Variants in UGT1A10 observed in about 807,000 individuals in gnomAD.
UGT1A10 encodes the protein UDP-glucuronosyltransferase 1A10.
A neutral mutation model predicts 45.8 loss-of-function variants in UGT1A10; 49 were observed. The observed-to-expected ratio is 1.07, with a 90% CI of 0.85 to 1.36. The LOEUF (loss-of-function observed/expected upper bound fraction) is 1.36. Among genes scored for constraint, UGT1A10 ranks in the 40% most tolerant of loss-of-function variants. The pLI is 0.00. For missense variants in UGT1A10, 745 were observed against 668.6 expected, an observed-to-expected ratio of 1.11 and a Z score of -1.26; for synonymous variants, 284 against 249.7, an observed-to-expected ratio of 1.14 and a Z score of -1.29.
At chr2:233,752,994 T>C (rs1324115545) in intron 1 of UGT1A10, among the ~76,000 whole-genome samples, 2 of 152,114 alleles carry the variant, frequency 1.3e-5, no homozygotes, top group Admixed American at 1.3e-4. Flanking sequence ...ACCCACTCAT[T>C]CTATCCTACC....
At chr2:233,671,910 G>C in intron 1 of UGT1A10, 1 of 1,582,912 alleles carries the variant, frequency 6.3e-7, no homozygotes, top group Non-Finnish European at 8.6e-7. Flanking sequence ...ATTCCCAGCT[G>C]CTTGCTCTCA....
intron 1 of UGT1A10, chr2:233,747,078 AG>A: frequency 1.8e-6 from 2 of 1,085,946 alleles, no homozygotes; most frequent in Non-Finnish European, 2.6e-6. Context: ...ATAATTAACT[AG>A]GAGGAGAGCA....
At chr2:233,757,535 A>AATATATATATATATATATATATATATAT (rs67292694) in intron 1 of UGT1A10, among the ~76,000 whole-genome samples, 42 of 88,242 alleles carry the variant, frequency 4.8e-4, no homozygotes, top group East Asian at 2.0e-3. Context: ...GCCTGTAAGG[A>AATATATATATATATATATATATATATAT]ATATATATAT....
At chr2:233,719,602 T>C (rs764921647) in intron 1 of UGT1A10, 45 of 1,614,062 alleles carry the variant, frequency 2.8e-5, no homozygotes, top group Admixed American at 5.0e-5. Flanking sequence ...CGAGGGGACT[T>C]TGTGATGGAC....
At chr2:233,676,385 T>C (rs2074358961) in intron 1 of UGT1A10, among the ~76,000 whole-genome samples, 1 of 152,228 alleles carries the variant, frequency 6.6e-6, no homozygotes, top group African/African-American at 2.4e-5. Flanking sequence ...ACAAATAGTT[T>C]AGAGAATTTT....
At position 233,769,746 on chromosome 2, in the gene UGT1A10, T is replaced by A; in HGVS notation, c.1295+1307T>A. On this transcript the variant is annotated intron_variant, in intron 4 of 4. Transcript: ENST00000344644. This position sits in a 1 kb window ranked among gnomAD's most constrained non-coding sequence, Gnocchi z 4.4. ...GGCACACGCCTGTAGTCCCAGCCAC[T>A]CTGGAGGCTAAGGCGGGAGGATTGC... 3 of 1,441,832 alleles carry A rather than the reference T, an allele frequency of 2.1e-6. No individual in the cohort carries two copies. Among genetic ancestry groups the A allele is most frequent in the Non-Finnish European group, 2.7e-6 (3 of 1,095,648 alleles). The allele number at this position is 1,441,832 out of a possible 1,614,324, so 89.3% of individuals were successfully genotyped here. A position where few individuals can be genotyped will look rare whatever the true frequency, so the allele number is the denominator to read the frequency against.
chr2:233,703,659 G>T (rs568128054), intron 1 of UGT1A10, among the ~76,000 whole-genome samples: 1 of 151,826 alleles, frequency 6.6e-6, no homozygotes, highest in African/African-American at 2.4e-5. Context: ...ATTTCTTTTG[G>T]TTGCTGTTTC....
Position 233,700,950 on chromosome 2 carries a change from A to G in UGT1A10, c.855+63573A>G, listed in dbSNP as rs146993694. The stretch of plus-strand genomic sequence containing the variant: ...GTGTGTGATTGTTCAATTCCCACCT[A>G]TGAGTGAGAACATGCGGTGTTTGAT... On this transcript the variant is annotated intron_variant, in intron 1 of 4. Coordinates refer to ENST00000344644, the MANE Select transcript of UGT1A10 (RefSeq NM_019075.4). Among the ~76,000 whole-genome samples, 245 of 151,526 alleles carry G rather than the reference A, an allele frequency of 1.6e-3. 4 individuals are homozygous for G. The East Asian group carries it at 0.036, about 22-fold the overall frequency.
At chr2:233,693,999 C>T (rs998563959) in intron 1 of UGT1A10, 32 of 1,494,952 alleles carry the variant, frequency 2.1e-5, no homozygotes, top group Non-Finnish European at 2.5e-5. Flanking sequence ...ATACCCGGCT[C>T]GGAGCAGCGG....
chr2:233,738,316 T>C (rs1483940334), intron 1 of UGT1A10, among the ~76,000 whole-genome samples: 4 of 152,176 alleles, frequency 2.6e-5, no homozygotes, highest in African/African-American at 7.2e-5. Context: ...TAGCAGTGTG[T>C]GAATGGACTA....
chr2:233,712,538 G>A (rs752556206), intron 1 of UGT1A10, among the ~76,000 whole-genome samples: 4 of 152,164 alleles, frequency 2.6e-5, no homozygotes, highest in Non-Finnish European at 5.9e-5. Flanking sequence ...ACCCATATGT[G>A]GGAAGAAAGA....
chr2:233,740,284 G>T (rs932768125), intron 1 of UGT1A10, among the ~76,000 whole-genome samples: 1 of 151,852 alleles, frequency 6.6e-6, no homozygotes, highest in Non-Finnish European at 1.5e-5. Flanking sequence ...ATACTGAAAG[G>T]GTTTAAAGGA....
chr2:233,672,776 A>G, intron 1 of UGT1A10: 1 of 1,613,588 alleles, frequency 6.2e-7, no homozygotes, highest in Non-Finnish European at 8.5e-7. Flanking sequence ...CATCAGGGAA[A>G]GCCGTTGCCT....
intron 1 of UGT1A10, among the ~76,000 whole-genome samples, chr2:233,763,357 C>G (rs1698288561): frequency 6.6e-6 from 1 of 152,176 alleles, no homozygotes; most frequent in Non-Finnish European, 1.5e-5. Flanking sequence ...ATCTTTAGTA[C>G]TCCTTTGTCT....
At position 233,772,278 on chromosome 2, in the gene UGT1A10, A is replaced by G. The variant is rs1289153891; in HGVS notation, c.1312A>G (p.Met438Val). 6.2e-7 allele frequency: 1 copy of G among 1,614,252 alleles called. No homozygotes were observed. Among genetic ancestry groups the G allele is most frequent in the Admixed American group, 1.7e-5 (1 of 60,036 alleles). Residue 438 changes from methionine to valine, a missense_variant, in exon 5 of 5, where the codon ATG becomes GTG. By Grantham distance (21) the Met-to-Val change is conservative. Coordinates refer to ENST00000344644, the MANE Select transcript of UGT1A10 (RefSeq NM_019075.4). Reference sequence around the variant, plus strand: ...TGTGTTTAGTTACAAGGAGAACATCATGCGCCTCTCCAGCCTTCACAAGGA... The same window carrying G: ...TGTGTTTAGTTACAAGGAGAACATCGTGCGCCTCTCCAGCCTTCACAAGGA... ...INDKSYKENI[M>V]RLSSLHKDRP... is the part of the protein sequence containing the mutation.
At chr2:233,743,995 GC>G (rs1271235263) in intron 1 of UGT1A10, 1 of 1,246,764 alleles carries the variant, frequency 8.0e-7, no homozygotes. Flanking sequence ...AGGCCCGAGT[GC>G]TCGGAGACCT....
chr2:233,719,190 C>T (rs772886660), intron 1 of UGT1A10: 2 of 1,614,200 alleles, frequency 1.2e-6, no homozygotes, highest in Non-Finnish European at 1.7e-6. Flanking sequence ...ATCTTTGGCC[C>T]TTCATAGGTG....
intron 1 of UGT1A10, chr2:233,713,265 C>G (rs770209123): frequency 1.2e-6 from 2 of 1,614,226 alleles, no homozygotes; most frequent in Non-Finnish European, 1.7e-6. Context: ...ATTTGATCGC[C>G]TTTTGCTGGG....
At chr2:233,668,335 T>C (rs1031677618) in intron 1 of UGT1A10, among the ~76,000 whole-genome samples, 1 of 152,164 alleles carries the variant, frequency 6.6e-6, no homozygotes, top group African/African-American at 2.4e-5. Context: ...GATAGTTTGC[T>C]CAGAATGATG....
Sources: allele counts gnomAD v4.1 joint callset (sites outside exome capture counted in the v4.1 genomes callset), GRCh38; gene constraint gnomAD v4.1.1; non-coding constraint Gnocchi (gnomAD v3.1); transcripts MANE v1.5; gene names NCBI Gene and HGNC (gene_info 2026-07-23, HGNC 2026-07-21).